The following RAB38 variants were observed in gnomAD, a reference collection of about 807,000 sequenced individuals.
RAB38 encodes the protein ras-related protein Rab-38.
RAB38 carries 15 observed loss-of-function variants against 18.4 expected under a neutral mutation model. The observed-to-expected ratio is 0.82, with a 90% CI of 0.55 to 1.26. The LOEUF (loss-of-function observed/expected upper bound fraction) is 1.26. Ranked by LOEUF, RAB38 falls within the 50% of genes most tolerant of loss-of-function variation. The pLI, the probability that RAB38 is intolerant of heterozygous loss-of-function variation, is 0.00. For synonymous variants in RAB38, 101 were observed against 104.4 expected, an observed-to-expected ratio of 0.97 and a Z score of 0.20; for missense variants, 294 against 267.4, an observed-to-expected ratio of 1.10 and a Z score of -0.69.
At chr11:88,050,899 T>C in the RAB38 span, among the ~76,000 whole-genome samples, 1 of 152,178 alleles carries the variant, frequency 6.6e-6, no homozygotes, top group Admixed American at 6.5e-5. Context: ...ACATTTTTTT[T>C]CTGCCTGTCT....
the RAB38 span, among the ~76,000 whole-genome samples, chr11:88,033,778 A>T: frequency 4.1e-5 from 5 of 121,788 alleles, no homozygotes; most frequent in African/African-American, 1.6e-4. Flanking sequence ...CCCAGGCTGG[A>T]GTACAGTGGC....
chr11:87,846,384 AG>A, the RAB38 span, among the ~76,000 whole-genome samples: 4 of 152,110 alleles, frequency 2.6e-5, no homozygotes, highest in Non-Finnish European at 4.4e-5. Flanking sequence ...ATAAGTTTAA[AG>A]TAAATGAATG....
chr11:88,138,113 C>G (rs1283570319), intron 2 of RAB38, among the ~76,000 whole-genome samples: 1 of 152,036 alleles, frequency 6.6e-6, no homozygotes, highest in Non-Finnish European at 1.5e-5. Flanking sequence ...ACAAGAATGT[C>G]AAAGCACAGT....
At chr11:88,129,929 T>C (rs1449016853) in intron 2 of RAB38, among the ~76,000 whole-genome samples, 1 of 151,210 alleles carries the variant, frequency 6.6e-6, no homozygotes, top group Non-Finnish European at 1.5e-5. Flanking sequence ...TATTCAAAGG[T>C]GTGGAACAAA....
At chr11:88,059,915 AT>A in the RAB38 span, among the ~76,000 whole-genome samples, 1 of 152,190 alleles carries the variant, frequency 6.6e-6, no homozygotes, top group African/African-American at 2.4e-5. Context: ...AATTCTCTGG[AT>A]GCTCATAGTC....
At chr11:88,013,333 A>G in the RAB38 span, among the ~76,000 whole-genome samples, 518 of 152,142 alleles carry the variant, frequency 3.4e-3, 4 homozygotes, top group African/African-American at 0.012. Flanking sequence ...TTAGTTCATC[A>G]ATTTCTTTTG....
At chr11:87,853,959 C>A in the RAB38 span, among the ~76,000 whole-genome samples, 1 of 152,084 alleles carries the variant, frequency 6.6e-6, no homozygotes, top group African/African-American at 2.4e-5. Context: ...TTTCTAGAGG[C>A]CATCTGGGAT....
the RAB38 span, among the ~76,000 whole-genome samples, chr11:88,016,092 A>G: frequency 2.0e-5 from 3 of 152,194 alleles, no homozygotes; most frequent in African/African-American, 7.2e-5. Flanking sequence ...TGTCCACTGA[A>G]TGCCAGCTTC....
At chr11:88,023,664 C>A in the RAB38 span, among the ~76,000 whole-genome samples, 2 of 151,974 alleles carry the variant, frequency 1.3e-5, no homozygotes, top group Non-Finnish European at 2.9e-5. Flanking sequence ...CAGAGCTATA[C>A]CAAAACAGCA....
chr11:88,008,965 C>A, the RAB38 span, among the ~76,000 whole-genome samples: 2 of 152,150 alleles, frequency 1.3e-5, no homozygotes, highest in South Asian at 2.1e-4. Context: ...AACCACTGTG[C>A]CCGGCGGAAA....
At chr11:87,815,847 G>C in the RAB38 span, 1 of 152,406 alleles carries the variant, frequency 6.6e-6, no homozygotes, top group Non-Finnish European at 1.5e-5. Context: ...ATGACCTGTA[G>C]TATAAGCCTT....
chr11:87,834,880 T>C, the RAB38 span, among the ~76,000 whole-genome samples: 1 of 152,172 alleles, frequency 6.6e-6, no homozygotes, highest in Non-Finnish European at 1.5e-5. Context: ...AAATGCCCAA[T>C]AAATGTTTTG....
chr11:88,121,226 A>T (rs1467100433), intron 2 of RAB38, among the ~76,000 whole-genome samples: 1 of 152,202 alleles, frequency 6.6e-6, no homozygotes, highest in Non-Finnish European at 1.5e-5. Context: ...AACAAGGATT[A>T]TCTTTTATTA....
chr11:87,940,112 T>G, the RAB38 span, among the ~76,000 whole-genome samples: 3 of 139,208 alleles, frequency 2.2e-5, no homozygotes, highest in Non-Finnish European at 4.7e-5. Flanking sequence ...CTAGTCATAC[T>G]AATAAGAAAA....
At chr11:88,017,358 GAC>G in the RAB38 span, among the ~76,000 whole-genome samples, 4 of 76,838 alleles carry the variant, frequency 5.2e-5, no homozygotes, top group Admixed American at 4.3e-4. Flanking sequence ...ATAATATATA[GAC>G]ACATACACAC....
the RAB38 span, among the ~76,000 whole-genome samples, chr11:87,805,198 A>AT: frequency 6.6e-6 from 1 of 152,180 alleles, no homozygotes; most frequent in Non-Finnish European, 1.5e-5. Flanking sequence ...GCTTGGTAAC[A>AT]TTTTAAAAAT....
chr11:88,044,769 G>A, the RAB38 span, among the ~76,000 whole-genome samples: 1 of 151,944 alleles, frequency 6.6e-6, no homozygotes, highest in Non-Finnish European at 1.5e-5. Context: ...AAGTGTGGCT[G>A]AGTCTTTCTA....
chr11:87,947,246 T>TTTC, the RAB38 span, among the ~76,000 whole-genome samples: 1 of 150,158 alleles, frequency 6.7e-6, no homozygotes, highest in Admixed American at 6.6e-5. Flanking sequence ...TTGTTTTTTT[T>TTTC]CTTGTAAATT....
chr11:87,933,975 C>A, the RAB38 span, among the ~76,000 whole-genome samples: 2 of 152,056 alleles, frequency 1.3e-5, no homozygotes, highest in Non-Finnish European at 2.9e-5. Context: ...TCTACCACGT[C>A]TGGGTAGGGT....
Sources: gnomAD v4.1 joint callset for allele counts (sites outside exome capture counted in the v4.1 genomes callset) on GRCh38, gnomAD v4.1.1 for gene constraint, MANE v1.5 for transcripts, NCBI Gene and HGNC (gene_info 2026-07-23, HGNC 2026-07-21) for gene names.